Variants in GRID2 observed in about 807,000 individuals in gnomAD.
The protein encoded by GRID2 is glutamate ionotropic receptor delta type subunit 2.
GRID2 carries 33 observed loss-of-function variants against 114.8 expected under a neutral mutation model. The observed-to-expected ratio is 0.29, with a 90% CI of 0.22 to 0.38. GRID2 has a LOEUF of 0.38. GRID2 is among the 10% of genes least tolerant of loss of function. The pLI is 1.00. For synonymous variants in GRID2, 505 were observed against 449.9 expected (o/e 1.12, Z -1.55); for missense variants, 1,184 against 1,257.7 (o/e 0.94, Z 0.89).
chr4:93,237,054 C>A (rs1445805879), intron 7 of GRID2, among the ~76,000 whole-genome samples: 1 of 151,706 alleles, frequency 6.6e-6, no homozygotes, highest in African/African-American at 2.4e-5. Flanking sequence ...TTTAACAGAT[C>A]TAGTGTTTGA....
chr4:92,346,388 A>G (rs757341460), intron 1 of GRID2, among the ~76,000 whole-genome samples: 1 of 152,142 alleles, frequency 6.6e-6, no homozygotes, highest in Non-Finnish European at 1.5e-5. Flanking sequence ...TGTTTGCGAC[A>G]GGGTCTTGCT....
intron 10 of GRID2, among the ~76,000 whole-genome samples, chr4:93,447,788 C>T (rs573950631): frequency 6.6e-6 from 1 of 151,746 alleles, no homozygotes; most frequent in East Asian, 1.9e-4. Flanking sequence ...TAGAGTAATT[C>T]CCAAAAGAAT....
intron 1 of GRID2, among the ~76,000 whole-genome samples, chr4:92,537,784 GGTGTGTGTGTGTGTGTGTGTGT>G (rs70942907): frequency 7.9e-6 from 1 of 125,932 alleles, no homozygotes; most frequent in Non-Finnish European, 1.7e-5. Context: ...AAAAACTTGC[GGTGTGTGTGTGTGTGTGTGTGT>G]GTGTGTGTGT....
Position 93,690,272 on chromosome 4 carries a change from A to G in GRID2, c.2360+63837A>G, listed in dbSNP as rs538068779. Among the ~76,000 whole-genome samples, 151 of 152,116 alleles carry G rather than the reference A, an allele frequency of 9.9e-4. 1 individual carries two copies. Among genetic ancestry groups the G allele is most frequent in the Non-Finnish European group, 1.4e-3 (95 of 67,906 alleles). ...TCTTCAAACAAATGCTAGGCTATAA[A>G]AAACGCACAATAAGATAACTTCTGA... is the stretch of plus-strand genomic sequence containing the variant. On this transcript the variant is annotated intron_variant, in intron 14 of 15. Transcript: ENST00000282020.
At chr4:92,433,592 G>C (rs1051153246) in intron 1 of GRID2, among the ~76,000 whole-genome samples, 1 of 152,132 alleles carries the variant, frequency 6.6e-6, no homozygotes, top group Non-Finnish European at 1.5e-5. Context: ...CCCACCTGCT[G>C]CTGGGGAGTT....
chr4:92,786,101 G>T (rs112987195), intron 2 of GRID2, among the ~76,000 whole-genome samples: 8 of 151,914 alleles, frequency 5.3e-5, no homozygotes, highest in African/African-American at 1.9e-4. Context: ...TGAATCTGTT[G>T]TCCTGAACTT....
intron 1 of GRID2, among the ~76,000 whole-genome samples, chr4:92,312,228 T>C (rs960399568): frequency 2.6e-5 from 4 of 152,048 alleles, no homozygotes; most frequent in African/African-American, 9.7e-5. Context: ...CTGAGGAAGA[T>C]TCTGTAGGGA....
At chr4:93,298,983 A>G (rs1274192492) in intron 8 of GRID2, among the ~76,000 whole-genome samples, 9 of 152,258 alleles carry the variant, frequency 5.9e-5, no homozygotes. Context: ...TCTTAATGAA[A>G]TAGGCTAAAA....
At chr4:93,654,990 T>G (rs1722883489) in intron 14 of GRID2, among the ~76,000 whole-genome samples, 1 of 152,204 alleles carries the variant, frequency 6.6e-6, no homozygotes, top group Admixed American at 6.5e-5. Context: ...TCATTCTTGA[T>G]AAACTACTGA....
rs552066304 is a variant in GRID2, at chr4:92,881,981, A to T, written c.245-203014A>T. Among the ~76,000 whole-genome samples, 213 of 152,304 alleles carry T rather than the reference A, an allele frequency of 1.4e-3. 1 individual carries two copies. The highest frequency in any genetic ancestry group is 4.8e-3 in the African/African-American group (199 of 41,582). ...TAATTTTCTATACCTTTCAATTTTCATTATGTGCTGGTAATATTCTTAGGA... is the reference window on the plus strand; with the variant it reads ...TAATTTTCTATACCTTTCAATTTTCTTTATGTGCTGGTAATATTCTTAGGA... On this transcript the variant is annotated intron_variant, in intron 2 of 15. Transcript: ENST00000282020.
At chr4:93,465,934 G>C (rs993941548) in intron 11 of GRID2, among the ~76,000 whole-genome samples, 9 of 151,964 alleles carry the variant, frequency 5.9e-5, no homozygotes, top group African/African-American at 2.2e-4. Context: ...ATAGACTATA[G>C]CCAGGAATAC....
chr4:93,456,507 C>G (rs979028164), intron 11 of GRID2, among the ~76,000 whole-genome samples: 1 of 152,124 alleles, frequency 6.6e-6, no homozygotes, highest in Non-Finnish European at 1.5e-5. Flanking sequence ...ATTTAACTTA[C>G]AATTTCACTA....
At chr4:93,545,869 T>A (rs2149534343) in intron 13 of GRID2, among the ~76,000 whole-genome samples, 1 of 152,186 alleles carries the variant, frequency 6.6e-6, no homozygotes, top group Middle Eastern at 3.4e-3. Flanking sequence ...TATTAGTGAG[T>A]CAGTAGTGAC....
At chr4:93,261,228 C>A (rs1412973987) in intron 8 of GRID2, among the ~76,000 whole-genome samples, 2 of 151,872 alleles carry the variant, frequency 1.3e-5, no homozygotes, top group Non-Finnish European at 2.9e-5. Context: ...GCTCAAAAAT[C>A]TGTGTTTTTA....
intron 4 of GRID2, among the ~76,000 whole-genome samples, chr4:93,159,508 T>C (rs965285310): frequency 6.6e-6 from 1 of 151,810 alleles, no homozygotes; most frequent in Non-Finnish European, 1.5e-5. Context: ...CAATCTGCCA[T>C]TTCCTGTGCA....
chr4:93,110,106 A>G (rs1345559271), intron 3 of GRID2, among the ~76,000 whole-genome samples: 2 of 152,164 alleles, frequency 1.3e-5, no homozygotes, highest in East Asian at 1.9e-4. Context: ...TTTGCACATT[A>G]AGTATTTTCT....
chr4:92,689,307 C>T (rs748907073), intron 2 of GRID2, among the ~76,000 whole-genome samples: 2 of 152,232 alleles, frequency 1.3e-5, no homozygotes, highest in Admixed American at 1.3e-4. Flanking sequence ...CTTCTCCTCT[C>T]TAGCTATGGA....
intron 1 of GRID2, among the ~76,000 whole-genome samples, chr4:92,482,031 T>A (rs936244063): frequency 1.7e-3 from 96 of 57,774 alleles, no homozygotes; most frequent in African/African-American, 5.1e-3. Context: ...TATATATATA[T>A]ATAAAATAAC....
chr4:93,045,739 C>A (rs1726072265), intron 2 of GRID2, among the ~76,000 whole-genome samples: 2 of 152,094 alleles, frequency 1.3e-5, no homozygotes, highest in African/African-American at 4.8e-5. Flanking sequence ...AAATACCATT[C>A]TGTAAATGAT....
Sources: allele counts gnomAD v4.1 joint callset (sites outside exome capture counted in the v4.1 genomes callset), GRCh38; gene constraint gnomAD v4.1.1; transcripts MANE v1.5; gene names NCBI Gene and HGNC (gene_info 2026-07-23, HGNC 2026-07-21).